The following CHD2 variants were observed in gnomAD, a reference collection of about 807,000 sequenced individuals.
The protein encoded by CHD2 is chromodomain helicase DNA binding protein 2.
A neutral mutation model predicts 243.9 loss-of-function variants in CHD2; 28 were observed. The observed-to-expected ratio is 0.11, with a 90% confidence interval of 0.09 to 0.16. The LOEUF (loss-of-function observed/expected upper bound fraction) is 0.16. Among genes scored for constraint, CHD2 ranks in the 10% least tolerant of loss-of-function variants. CHD2 has a pLI of 1.00. For missense variants in CHD2, 1,386 were observed against 2,209.8 expected (o/e 0.63, Z 7.47); for synonymous variants, 775 against 779.0 (o/e 0.99, Z 0.09).
At chr15:92,903,417 T>C (rs1398803985) in intron 2 of CHD2, among the ~76,000 whole-genome samples, 1 of 152,240 alleles carries the variant, frequency 6.6e-6, no homozygotes, top group Non-Finnish European at 1.5e-5. Flanking sequence ...CTTTAGTATC[T>C]GGAAAGAATG....
intron 14 of CHD2, among the ~76,000 whole-genome samples, chr15:92,954,707 A>G (rs1169308410): frequency 1.3e-5 from 2 of 152,238 alleles, no homozygotes; most frequent in African/African-American, 4.8e-5. Flanking sequence ...AATTGTAGTC[A>G]GAGAAGTTTT....
intron 25 of CHD2, 150 bp from the exon 26 acceptor site, chr15:92,985,348 C>A: frequency 1.6e-6 from 1 of 640,688 alleles, no homozygotes; most frequent in Non-Finnish European, 2.5e-6. Flanking sequence ...TCTCCAAGAC[C>A]TGTCTCCCCT....
At chr15:92,999,500 A>G (rs1432508045) in intron 31 of CHD2, among the ~76,000 whole-genome samples, 1 of 152,194 alleles carries the variant, frequency 6.6e-6, no homozygotes, top group Non-Finnish European at 1.5e-5. Flanking sequence ...GAAAGATGGA[A>G]TCCCAGCTAA....
At chr15:93,000,084 C>T (rs1393982028) in intron 31 of CHD2, among the ~76,000 whole-genome samples, 1 of 152,112 alleles carries the variant, frequency 6.6e-6, no homozygotes, top group African/African-American at 2.4e-5. Flanking sequence ...CATGGCGAAA[C>T]CCTGTTTCTA....
intron 2 of CHD2, among the ~76,000 whole-genome samples, chr15:92,907,101 A>G (rs150086078): frequency 3.4e-3 from 515 of 152,354 alleles, no homozygotes; most frequent in African/African-American, 0.01. Context: ...TCTGTAATCA[A>G]TGGAATCTTT....
chr15:92,974,192 A>G (rs116881789), intron 19 of CHD2, among the ~76,000 whole-genome samples: 3,752 of 152,288 alleles, frequency 0.025, 106 homozygotes, highest in Admixed American at 0.086. Flanking sequence ...TTATGTGTCA[A>G]TGGTTTCTCT....
In CHD2 at chr15:92,968,447, A is replaced by G. The variant is rs2053796420; in HGVS notation, c.2189+934A>G. Among the ~76,000 whole-genome samples, 3 of 152,228 alleles carry G rather than the reference A, an allele frequency of 2.0e-5. No individual in the cohort carries two copies. In the South Asian group the frequency reaches 6.2e-4, roughly 32 times the overall value. On this transcript the variant is annotated intron_variant, in intron 17 of 38. Transcript: ENST00000394196. Reference sequence around the variant, plus strand: ...TAAGTGTAAAGGCTTGATTAGACTCAGATTCAGTGTGACTTTAGAGGCAGA... The same window carrying G: ...TAAGTGTAAAGGCTTGATTAGACTCGGATTCAGTGTGACTTTAGAGGCAGA...
At chr15:92,962,183 C>G (rs941274245) in intron 16 of CHD2, among the ~76,000 whole-genome samples, 2 of 151,820 alleles carry the variant, frequency 1.3e-5, no homozygotes, top group Non-Finnish European at 2.9e-5. Flanking sequence ...CCCGGACCCT[C>G]TGTTTTTCTG....
chr15:93,005,065 TCTGTGTTC>T (rs752623326), intron 34 of CHD2, among the ~76,000 whole-genome samples: 5 of 152,218 alleles, frequency 3.3e-5, no homozygotes, highest in African/African-American at 4.8e-5. Flanking sequence ...TTGAATGTTT[TCTGTGTTC>T]CAGCCCCCAG....
chr15:92,940,942 TATATAAATATAAATATATATAAATATAA>T (rs1567134538), intron 7 of CHD2, among the ~76,000 whole-genome samples: 21 of 133,844 alleles, frequency 1.6e-4, no homozygotes, highest in Admixed American at 4.9e-4. Context: ...ATATAAAATA[TATATAAATATAAATATATATAAATATAA>T]ATATAAATAT....
chr15:92,949,948 C>A (rs376277644), intron 13 of CHD2, among the ~76,000 whole-genome samples: 2 of 152,194 alleles, frequency 1.3e-5, no homozygotes, highest in South Asian at 4.1e-4. Context: ...CTGGACCGCA[C>A]AATCTAGACT....
At chr15:92,928,924 A>G (rs769067275) in intron 4 of CHD2, 106 bp from the exon 5 acceptor site, 31 of 988,246 alleles carry the variant, frequency 3.1e-5, no homozygotes, top group Non-Finnish European at 4.4e-5. Flanking sequence ...AAAAGCTCAT[A>G]TTGAATAATG....
chr15:92,986,318 C>T (rs1241904443), intron 26 of CHD2, among the ~76,000 whole-genome samples: 2 of 150,594 alleles, frequency 1.3e-5, no homozygotes, highest in Non-Finnish European at 3.0e-5. Flanking sequence ...TTTTTTAAGC[C>T]TGAAGAAAAT....
At chr15:92,940,666 C>T (rs1416181654) in intron 7 of CHD2, among the ~76,000 whole-genome samples, 1 of 150,414 alleles carries the variant, frequency 6.6e-6, no homozygotes, top group Non-Finnish European at 1.5e-5. Flanking sequence ...TAGCCTAGCA[C>T]TTTTTCTTAC....
intron 34 of CHD2, among the ~76,000 whole-genome samples, 155 bp downstream of exon 34, chr15:93,004,906 TCAG>T (rs1390567019): frequency 6.6e-6 from 1 of 152,214 alleles, no homozygotes; most frequent in African/African-American, 2.4e-5. Context: ...CATGTGCTCT[TCAG>T]CAGGCTGGCA....
intron 38 of CHD2, 107 bp downstream of exon 38, chr15:93,020,365 T>C: frequency 7.2e-7 from 1 of 1,388,460 alleles, no homozygotes; most frequent in Non-Finnish European, 1.0e-6. Context: ...TTACTGAAGA[T>C]CTCATCATGC....
At position 92,999,268 on chromosome 15, in the gene CHD2, T is replaced by C. The variant is rs558632284; in HGVS notation, c.4008+647T>C. The stretch of plus-strand genomic sequence containing the variant: ...TACTTTCTCAATTTTGGAACATAGT[T>C]GCAGTTACTGCATTGAATACCTGTG... On this transcript the variant is annotated intron_variant, in intron 31 of 38. Transcript: ENST00000394196. Among the ~76,000 whole-genome samples the C allele has an allele frequency of 5.9e-5, 9 of 152,316 alleles. No homozygotes were observed. In the South Asian group the frequency reaches 1.2e-3, roughly 21 times the overall value.
chr15:92,900,671 C>A lies in CHD2; in HGVS notation c.-225C>A. ...GGACCTGTTTTAGTATTAATTATTGCTTTATTTTTTTGACCAGTTAACATA... is the reference window on the plus strand; with the variant it reads ...GGACCTGTTTTAGTATTAATTATTGATTTATTTTTTTGACCAGTTAACATA... On this transcript the variant is annotated 5_prime_UTR_variant, in exon 1 of 39. The change creates a premature stop within an existing upstream ORF in the 5' untranslated region. Transcript: ENST00000394196. The A allele has an allele frequency of 2.5e-6, 1 of 393,362 alleles. No individual in the cohort carries two copies. The highest frequency in any genetic ancestry group is 4.5e-6 in the Non-Finnish European group (1 of 223,378). 24.4% of individuals were successfully genotyped at this position (393,362 alleles called of 1,614,324 possible).
chr15:92,930,700 A>C (rs2053151147), intron 5 of CHD2, among the ~76,000 whole-genome samples: 1 of 152,146 alleles, frequency 6.6e-6, no homozygotes, highest in African/African-American at 2.4e-5. Context: ...CTAGGATTAC[A>C]GGTGTGAGCC....
Sources: allele counts gnomAD v4.1 joint callset (sites outside exome capture counted in the v4.1 genomes callset), GRCh38; gene constraint gnomAD v4.1.1; transcripts MANE v1.5; gene names NCBI Gene and HGNC (gene_info 2026-07-23, HGNC 2026-07-21).